LDLRAD4: variants seen among roughly 807,000 people sequenced by gnomAD.
The protein encoded by LDLRAD4 is low density lipoprotein receptor class A domain containing 4.
Under a neutral mutation model 17.0 loss-of-function variants are expected in LDLRAD4, and 5 were observed. That is an observed-to-expected ratio of 0.29 (90% CI 0.15 to 0.62). LDLRAD4 has a LOEUF of 0.62. Ranked by LOEUF, LDLRAD4 falls within the 20% of genes least tolerant of loss-of-function variation. The probability of loss-of-function intolerance (pLI) is 0.84; values close to 1 mark genes in which losing one functional copy is unlikely to be tolerated. For missense variants in LDLRAD4, 340 were observed against 424.7 expected, an observed-to-expected ratio of 0.80 and a Z score of 1.75; for synonymous variants, 168 against 171.8, an observed-to-expected ratio of 0.98 and a Z score of 0.17.
intron 2 of LDLRAD4, among the ~76,000 whole-genome samples, chr18:13,414,616 A>G (rs947963034): frequency 2.0e-5 from 3 of 152,258 alleles, no homozygotes; most frequent in Non-Finnish European, 4.4e-5. Context: ...GCTGCAGCCC[A>G]GCAGGAGGTC....
intron 1 of LDLRAD4, among the ~76,000 whole-genome samples, chr18:13,315,056 T>C (rs2080855030): frequency 6.6e-6 from 1 of 152,172 alleles, no homozygotes; most frequent in Non-Finnish European, 1.5e-5. Context: ...AACTTGGAGT[T>C]CAGGGCATGC....
intron 1 of LDLRAD4, among the ~76,000 whole-genome samples, chr18:13,308,148 C>T (rs56972424): frequency 0.012 from 1,784 of 152,228 alleles, 22 homozygotes; most frequent in African/African-American, 0.033. Flanking sequence ...ACCATGCTTT[C>T]GACACTCAAT....
At chr18:13,348,035 G>A (rs1226905680) in intron 1 of LDLRAD4, among the ~76,000 whole-genome samples, 3 of 152,188 alleles carry the variant, frequency 2.0e-5, no homozygotes, top group African/African-American at 7.2e-5. Flanking sequence ...CATTAGCTCA[G>A]AGTAGTTTGA....
At chr18:13,513,421 A>G (rs889590495) in intron 3 of LDLRAD4, among the ~76,000 whole-genome samples, 2 of 152,224 alleles carry the variant, frequency 1.3e-5, no homozygotes, top group East Asian at 1.9e-4. Context: ...TTGTGTCTCC[A>G]TGGACATTTT....
chr18:13,588,757 T>C (rs758476732), intron 3 of LDLRAD4, among the ~76,000 whole-genome samples: 2 of 152,182 alleles, frequency 1.3e-5, no homozygotes, highest in Admixed American at 6.5e-5. Context: ...ATGTCACCGC[T>C]AGTTTCTTGA....
chr18:13,304,783 G>T (rs996095284), intron 1 of LDLRAD4, among the ~76,000 whole-genome samples: 2 of 152,172 alleles, frequency 1.3e-5, no homozygotes, highest in African/African-American at 4.8e-5. Flanking sequence ...CCTGAAGATG[G>T]GAGACTGCTA....
intron 1 of LDLRAD4, among the ~76,000 whole-genome samples, chr18:13,378,121 A>C (rs1001113372): frequency 1.3e-5 from 2 of 152,174 alleles, no homozygotes; most frequent in African/African-American, 4.8e-5. Context: ...AGGCGACTGA[A>C]ATGACTCTGA....
chr18:13,339,493 A>G (rs920921444), intron 1 of LDLRAD4, among the ~76,000 whole-genome samples: 15 of 152,224 alleles, frequency 9.9e-5, no homozygotes, highest in African/African-American at 3.6e-4. Flanking sequence ...GAGCCACTGC[A>G]CCCAGCCATA....
chr18:13,593,013 G>T (rs186165205), intron 3 of LDLRAD4, among the ~76,000 whole-genome samples: 38 of 152,204 alleles, frequency 2.5e-4, no homozygotes, highest in African/African-American at 8.9e-4. Flanking sequence ...ATTTTTAATT[G>T]CTTTTTTAAA....
At chr18:13,283,437 C>G (rs1316269943) in intron 1 of LDLRAD4, among the ~76,000 whole-genome samples, 1 of 152,212 alleles carries the variant, frequency 6.6e-6, no homozygotes, top group Non-Finnish European at 1.5e-5. Context: ...TCATCTCTTT[C>G]AAGTTCAAAG....
chr18:13,567,152 T>G (rs1361376508), intron 3 of LDLRAD4, among the ~76,000 whole-genome samples: 1 of 152,214 alleles, frequency 6.6e-6, no homozygotes, highest in Non-Finnish European at 1.5e-5. Flanking sequence ...TATTAATCAT[T>G]TCCCCCTGCC....
chr18:13,573,167 T>C (rs2094717181), intron 3 of LDLRAD4, among the ~76,000 whole-genome samples: 1 of 152,208 alleles, frequency 6.6e-6, no homozygotes, highest in African/African-American at 2.4e-5. Context: ...TGCAGTGGCA[T>C]GATCTTGGCT....
intron 1 of LDLRAD4, among the ~76,000 whole-genome samples, chr18:13,348,167 G>T (rs1568034394): frequency 6.6e-6 from 1 of 152,152 alleles, no homozygotes; most frequent in Non-Finnish European, 1.5e-5. Flanking sequence ...AGAATTTTCA[G>T]TTTTTCTGCT....
intron 3 of LDLRAD4, among the ~76,000 whole-genome samples, chr18:13,547,720 T>C (rs1289303689): frequency 2.0e-5 from 3 of 152,186 alleles, no homozygotes; most frequent in Non-Finnish European, 4.4e-5. Flanking sequence ...AAGATGGTGG[T>C]GCCCAGAAGT....
chr18:13,337,596 A>G (rs971055073), intron 1 of LDLRAD4, among the ~76,000 whole-genome samples: 9 of 152,152 alleles, frequency 5.9e-5, no homozygotes, highest in Non-Finnish European at 1.2e-4. Context: ...ATGATTTTCA[A>G]CATTCAGTTT....
intron 3 of LDLRAD4, among the ~76,000 whole-genome samples, chr18:13,513,796 A>T (rs2093819994): frequency 6.6e-6 from 1 of 152,256 alleles, no homozygotes; most frequent in South Asian, 2.1e-4. Context: ...ACCCTGGCAC[A>T]CTTAGCCTGT....
chr18:13,505,546 A>G (rs765738459), intron 3 of LDLRAD4, among the ~76,000 whole-genome samples: 23 of 152,206 alleles, frequency 1.5e-4, no homozygotes, highest in Non-Finnish European at 2.6e-4. Context: ...CTTGCCAGGC[A>G]CGGTGGCTCA....
At chr18:13,616,905 C>A (rs762600937) in intron 3 of LDLRAD4, among the ~76,000 whole-genome samples, 1 of 152,042 alleles carries the variant, frequency 6.6e-6, no homozygotes, top group Non-Finnish European at 1.5e-5. Flanking sequence ...GGCACCATGC[C>A]ACTAGGGTGC....
At chr18:13,427,346 C>G (rs2090017853) in intron 2 of LDLRAD4, 2 of 152,602 alleles carry the variant, frequency 1.3e-5, no homozygotes, top group Admixed American at 6.5e-5. Context: ...CAGTTTTTAC[C>G]CAAGTGGGAA....
Sources: allele counts gnomAD v4.1 joint callset (sites outside exome capture counted in the v4.1 genomes callset), GRCh38; gene constraint gnomAD v4.1.1; transcripts MANE v1.5; gene names NCBI Gene and HGNC (gene_info 2026-07-23, HGNC 2026-07-21).